CD164: variants seen among roughly 807,000 people sequenced by gnomAD.
CD164 encodes CD164 molecule.
Under a neutral mutation model 24.6 loss-of-function variants are expected in CD164, and 11 were observed. The observed-to-expected ratio is 0.45, with a 90% CI of 0.28 to 0.74. The LOEUF (loss-of-function observed/expected upper bound fraction) is 0.74, where lower values mean the gene tolerates loss of function less well. CD164 is among the 30% of genes least tolerant of loss of function. CD164 has a pLI of 0.13. For missense variants in CD164, 295 were observed against 243.7 expected (o/e 1.21, Z -1.40); for synonymous variants, 126 against 100.3 (o/e 1.26, Z -1.53).
At position 109,369,036 on chromosome 6, in the gene CD164, G is replaced by T; in HGVS notation, c.428-19C>A. The T allele has an allele frequency of 6.3e-7, 1 of 1,597,710 alleles. No homozygotes were observed. The highest frequency in any genetic ancestry group is 1.1e-5 in the South Asian group (1 of 87,652). ...GTTGTACCTGTTAGATAAGACAAAAGAAACAACAATCCTAAGTTTCATGGT... is the reference window on the plus strand; with the variant it reads ...GTTGTACCTGTTAGATAAGACAAAATAAACAACAATCCTAAGTTTCATGGT... On this transcript the variant is annotated intron_variant, in intron 5 of 5. Transcript: ENST00000310786.
At chr6:109,376,800 C>A (rs1359844867) in intron 3 of CD164, among the ~76,000 whole-genome samples, 1 of 152,162 alleles carries the variant, frequency 6.6e-6, no homozygotes, top group Non-Finnish European at 1.5e-5. Context: ...AACCACAGGT[C>A]TGACAGTTAT....
chr6:109,369,087 C>A, intron 5 of CD164, 70 bp from the exon 6 acceptor site: 1 of 1,335,784 alleles, frequency 7.5e-7, no homozygotes, highest in Non-Finnish European at 1.0e-6. Flanking sequence ...AAAGATGCAC[C>A]TGAGCCTCTA....
At position 109,368,073 on chromosome 6, in the gene CD164, T is replaced by C. The variant is rs967581565; in HGVS notation, c.*778A>G. On this transcript the variant is annotated 3_prime_UTR_variant, in exon 6 of 6. Transcript: ENST00000310786. ...TTTCAATAAAATATTAACAGTATGATATCTAAAACAGGTTTACTACTGCTC... is the reference window on the plus strand; with the variant it reads ...TTTCAATAAAATATTAACAGTATGACATCTAAAACAGGTTTACTACTGCTC... The C allele has an allele frequency of 7.6e-6, 3 of 395,112 alleles. No individual in the cohort carries two copies. The highest frequency in any genetic ancestry group is 6.3e-5 in the African/African-American group (3 of 47,990). 24.5% of individuals were successfully genotyped at this position (395,112 alleles called of 1,614,324 possible).
chr6:109,381,150 C>G (rs948636182), intron 1 of CD164, among the ~76,000 whole-genome samples: 1 of 152,192 alleles, frequency 6.6e-6, no homozygotes, highest in Non-Finnish European at 1.5e-5. Flanking sequence ...ACCAATCATA[C>G]GAGACTGCAG....
chr6:109,379,736 C>G lies in CD164; in HGVS notation c.176-74G>C, dbSNP rs1771628984. 2.7e-6 allele frequency: 3 copies of G among 1,126,756 alleles called. No individual in the cohort carries two copies. In the South Asian group the frequency reaches 4.0e-5, roughly 15 times the overall value. The allele number at this position is 1,126,756 out of a possible 1,614,324, so 69.8% of individuals were successfully genotyped here. On this transcript the variant is annotated intron_variant, in intron 1 of 5. Transcript: ENST00000310786. Reference sequence around the variant, plus strand: ...TCTTATTTGAATCTGTATTACTTATCTTTTTGAACAATAAGCATTACATAC... The same window carrying G: ...TCTTATTTGAATCTGTATTACTTATGTTTTTGAACAATAAGCATTACATAC...
chr6:109,375,911 C>T, intron 4 of CD164, 163 bp downstream of exon 4: 1 of 586,870 alleles, frequency 1.7e-6, no homozygotes, highest in Non-Finnish European at 2.9e-6. Context: ...GTCACTGTCA[C>T]AAAAGGTAGA....
chr6:109,368,627 C>A lies in CD164; in HGVS notation c.*224G>T. 7.4e-7 allele frequency: 1 copy of A among 1,350,764 alleles called. No individual in the cohort carries two copies. The highest frequency in any genetic ancestry group is 9.5e-7 in the Non-Finnish European group (1 of 1,057,464). The allele number at this position is 1,350,764 out of a possible 1,614,324, so 83.7% of individuals were successfully genotyped here. ...ACAGCAGCAGCTATTTAAAATAAGA[C>A]AGCCACAGGATTCATGCAGAATATT... On this transcript the variant is annotated 3_prime_UTR_variant, in exon 6 of 6. Transcript: ENST00000310786.
At chr6:109,376,861 T>C (rs1443693312) in intron 3 of CD164, among the ~76,000 whole-genome samples, 7 of 152,206 alleles carry the variant, frequency 4.6e-5, no homozygotes, top group African/African-American at 1.7e-4. Context: ...TTCAGCCAGG[T>C]CCAGTAGCTC....
Position 109,368,137 on chromosome 6 carries a change from T to TA in CD164, c.*713dup, listed in dbSNP as rs1770869569. The TA allele has an allele frequency of 6.6e-6, 5 of 753,802 alleles. No individual in the cohort carries two copies. The highest frequency in any genetic ancestry group is 1.0e-5 in the Non-Finnish European group (5 of 492,826). 46.7% of individuals were successfully genotyped at this position (753,802 alleles called of 1,614,324 possible). ...TCCTCTGACCAATCCTTACCTTCCT[T>TA]AATGTCAAAGAACAAATCATAGACA... On this transcript the variant is annotated 3_prime_UTR_variant, in exon 6 of 6. Transcript: ENST00000310786.
intron 4 of CD164, among the ~76,000 whole-genome samples, chr6:109,373,260 G>C (rs945178350): frequency 6.6e-6 from 1 of 152,088 alleles, no homozygotes; most frequent in African/African-American, 2.4e-5. Context: ...CACTGTATCT[G>C]ACATATTTTG....
chr6:109,380,356 T>C (rs1388657227), intron 1 of CD164: 2 of 152,166 alleles, frequency 1.3e-5, no homozygotes, highest in Non-Finnish European at 2.9e-5. Flanking sequence ...GACTATAAAA[T>C]TGGGCTCTAT....
At chr6:109,375,627 A>AAAAAG (rs558899854) in intron 4 of CD164, among the ~76,000 whole-genome samples, 7,046 of 144,640 alleles carry the variant, frequency 0.049, 402 homozygotes, top group East Asian at 0.2. Context: ...CAAAAAAAAA[A>AAAAAG]AAAGAAAAGA....
rs1770783539 is a variant in CD164 at position 109,366,803 on chromosome 6, T to A, written c.*2048A>T. The A allele has an allele frequency of 6.6e-6, 1 of 152,590 alleles. No individual in the cohort carries two copies. The highest frequency in any genetic ancestry group is 6.5e-5 in the Admixed American group (1 of 15,284). The allele number at this position is 152,590 out of a possible 1,614,324, so 9.5% of individuals were successfully genotyped here. On this transcript the variant is annotated 3_prime_UTR_variant, in exon 6 of 6. Transcript: ENST00000310786. ...AGTTAGGGGAAAAAAGTAAAAAGGC[T>A]GTGAGTTCTGTTGCAAGAGCTCATT...
intron 4 of CD164, among the ~76,000 whole-genome samples, chr6:109,373,947 G>T (rs1365077509): frequency 6.6e-6 from 1 of 152,190 alleles, no homozygotes; most frequent in East Asian, 1.9e-4. Flanking sequence ...GTCCAAGCCA[G>T]CTCCACACAC....
intron 5 of CD164, 97 bp from the exon 6 acceptor site, chr6:109,369,114 A>C: frequency 9.5e-7 from 1 of 1,048,566 alleles, no homozygotes; most frequent in Non-Finnish European, 1.4e-6. Flanking sequence ...CATGTGTTAA[A>C]TTCTATAAAG....
chr6:109,379,454 T>C (rs1006721894), intron 2 of CD164, 125 bp downstream of exon 2: 6 of 655,476 alleles, frequency 9.2e-6, no homozygotes, highest in African/African-American at 1.8e-5. Context: ...TTTAAAGGAG[T>C]ACTGGATTTG....
intron 1 of CD164, 141 bp downstream of exon 1, chr6:109,382,063 G>T: frequency 1.5e-6 from 1 of 661,150 alleles, no homozygotes; most frequent in Non-Finnish European, 2.1e-6. Flanking sequence ...TGGCCGCCAT[G>T]TTGCCGGAGT....
chr6:109,366,992 G>C lies in CD164; in HGVS notation c.*1859C>G, dbSNP rs910005063. The C allele has an allele frequency of 2.0e-5, 3 of 152,234 alleles. No individual in the cohort carries two copies. Among genetic ancestry groups the C allele is most frequent in the Non-Finnish European group, 4.4e-5 (3 of 68,018 alleles). The allele number at this position is 152,234 out of a possible 1,614,324, so 9.4% of individuals were successfully genotyped here. On this transcript the variant is annotated 3_prime_UTR_variant, in exon 6 of 6. Transcript: ENST00000310786. Reference sequence around the variant, plus strand: ...ACCCAGGTAAATGACAATTACATCAGTATAGCTAATTTTTGCCACCTTGGG... The same window carrying C: ...ACCCAGGTAAATGACAATTACATCACTATAGCTAATTTTTGCCACCTTGGG...
At chr6:109,372,373 C>A (rs988055657) in intron 4 of CD164, 3 of 152,200 alleles carry the variant, frequency 2.0e-5, no homozygotes, top group Non-Finnish European at 2.9e-5. Flanking sequence ...CCAAGGTTGA[C>A]TGAATCCTAG....
Sources: gnomAD v4.1 joint callset for allele counts (sites outside exome capture counted in the v4.1 genomes callset) on GRCh38, gnomAD v4.1.1 for gene constraint, MANE v1.5 for transcripts, NCBI Gene and HGNC (gene_info 2026-07-23, HGNC 2026-07-21) for gene names.